The following HPSE2 variants were observed in gnomAD, a reference collection of about 807,000 sequenced individuals.
The protein encoded by HPSE2 is inactive heparanase-2.
HPSE2 carries 38 observed loss-of-function variants against 60.5 expected under a neutral mutation model. The ratio of observed to expected loss-of-function variants is 0.63; its 90% confidence interval spans 0.48 to 0.82. The LOEUF (loss-of-function observed/expected upper bound fraction) is 0.82. Among genes scored for constraint, HPSE2 ranks in the 40% least tolerant of loss-of-function variants. HPSE2 has a pLI of 0.00. For synonymous variants in HPSE2, 295 were observed against 293.2 expected (o/e 1.01, Z -0.06); for missense variants, 713 against 740.4 (o/e 0.96, Z 0.43).
At chr10:98,460,564 G>A (rs1940245038) in intron 11 of HPSE2, among the ~76,000 whole-genome samples, 1 of 152,126 alleles carries the variant, frequency 6.6e-6, no homozygotes, top group African/African-American at 2.4e-5. Context: ...AGTGAGCCAA[G>A]ATTACACCAC....
intron 3 of HPSE2, among the ~76,000 whole-genome samples, chr10:98,760,120 G>A (rs977863761): frequency 6.6e-6 from 1 of 151,948 alleles, no homozygotes; most frequent in African/African-American, 2.4e-5. Flanking sequence ...ATATTTGTAT[G>A]TTGATTTTAT....
intron 3 of HPSE2, among the ~76,000 whole-genome samples, chr10:99,004,058 C>T (rs1956837832): frequency 6.6e-6 from 1 of 151,932 alleles, no homozygotes; most frequent in Non-Finnish European, 1.5e-5. Flanking sequence ...TATAGTTACC[C>T]TGCTCTTTTC....
At chr10:98,572,755 C>T (rs546260605) in intron 9 of HPSE2, among the ~76,000 whole-genome samples, 1 of 152,342 alleles carries the variant, frequency 6.6e-6, no homozygotes, top group Non-Finnish European at 1.5e-5. Context: ...GAGTTAGTCA[C>T]AGGCTCCACA....
chr10:98,495,224 C>A (rs960702093), intron 9 of HPSE2, among the ~76,000 whole-genome samples: 3 of 151,754 alleles, frequency 2.0e-5, no homozygotes, highest in African/African-American at 7.3e-5. Flanking sequence ...TGCCTTCTGG[C>A]CTTCAAAGTT....
intron 3 of HPSE2, among the ~76,000 whole-genome samples, chr10:99,066,132 C>A (rs185022943): frequency 6.6e-6 from 1 of 152,086 alleles, no homozygotes; most frequent in Non-Finnish European, 1.5e-5. Flanking sequence ...TTTGGCAGGG[C>A]AGTAAATACT....
At chr10:99,168,500 T>C (rs142070166) in intron 2 of HPSE2, among the ~76,000 whole-genome samples, 18 of 152,350 alleles carry the variant, frequency 1.2e-4, no homozygotes, top group African/African-American at 3.1e-4. Context: ...CTGCTAATAA[T>C]AACAATTTTG....
At chr10:98,594,294 C>T (rs527700514) in intron 9 of HPSE2, among the ~76,000 whole-genome samples, 80 of 152,104 alleles carry the variant, frequency 5.3e-4, no homozygotes, top group African/African-American at 1.1e-3. Context: ...ATTTCCCTAC[C>T]CCGCCTCCCC....
At chr10:98,556,882 G>A (rs991791603) in intron 9 of HPSE2, among the ~76,000 whole-genome samples, 5 of 152,174 alleles carry the variant, frequency 3.3e-5, no homozygotes, top group African/African-American at 1.2e-4. Context: ...AGTTGGAAGA[G>A]ACTTATACCA....
chr10:98,512,132 A>T (rs900687034), intron 9 of HPSE2, among the ~76,000 whole-genome samples: 6 of 152,080 alleles, frequency 3.9e-5, no homozygotes, highest in Non-Finnish European at 8.8e-5. Flanking sequence ...CTGCTGCTCC[A>T]ACTTCCTCCA....
intron 2 of HPSE2, among the ~76,000 whole-genome samples, chr10:99,222,840 A>G (rs1389841170): frequency 6.6e-6 from 1 of 152,124 alleles, no homozygotes; most frequent in Admixed American, 6.5e-5. Context: ...GTTTTACCTA[A>G]CAACTATTTT....
At chr10:98,462,810 C>G (rs1225666237) in intron 11 of HPSE2, among the ~76,000 whole-genome samples, 1 of 152,178 alleles carries the variant, frequency 6.6e-6, no homozygotes, top group Non-Finnish European at 1.5e-5. Flanking sequence ...CGGTCACTAT[C>G]CACAAGCTGA....
At chr10:98,706,117 A>G in intron 5 of HPSE2, among the ~76,000 whole-genome samples, 1 of 151,950 alleles carries the variant, frequency 6.6e-6, no homozygotes. Context: ...GAGTTGTGAG[A>G]TTATGAGACT....
intron 3 of HPSE2, among the ~76,000 whole-genome samples, chr10:99,022,547 C>T (rs1957286147): frequency 6.6e-6 from 1 of 152,070 alleles, no homozygotes. Flanking sequence ...ACGACTCTTC[C>T]CCTAACCCCA....
At chr10:99,190,302 C>T (rs556946836) in intron 2 of HPSE2, among the ~76,000 whole-genome samples, 1 of 152,274 alleles carries the variant, frequency 6.6e-6, no homozygotes, top group Non-Finnish European at 1.5e-5. Flanking sequence ...GCTGAGGGAC[C>T]TTGCAGAAGT....
Position 98,939,957 on chromosome 10 carries a change from C to T in HPSE2, c.611-195901G>A, listed in dbSNP as rs1954938986. 1.4e-5 allele frequency among the ~76,000 whole-genome samples: 2 copies of T among 143,766 alleles called. 1 individual carries two copies. Among genetic ancestry groups the T allele is most frequent in the Admixed American group, 1.4e-4 (2 of 14,452 alleles). 94.3% of individuals were successfully genotyped at this position (143,766 alleles called of 152,430 possible). On this transcript the variant is annotated intron_variant, in intron 3 of 11. Coordinates refer to ENST00000370552, the MANE Select transcript of HPSE2 (RefSeq NM_021828.5). The stretch of plus-strand genomic sequence containing the variant: ...TCAAAACCGCTCAACTACATGGAAA[C>T]TGAACAACCTGCTCCTGAATGACTA...
Position 98,768,735 on chromosome 10 carries a change from C to T in HPSE2, c.611-24679G>A, listed in dbSNP as rs527927345. ...TTTAACTCTATGGTACTTCAGATTC[C>T]TTGTTTTACAAAAGTCAATAATAAT... On this transcript the variant is annotated intron_variant, in intron 3 of 11. Coordinates refer to ENST00000370552, the MANE Select transcript of HPSE2 (RefSeq NM_021828.5). 2.8e-4 allele frequency among the ~76,000 whole-genome samples: 42 copies of T among 152,228 alleles called. No homozygotes were observed. In the East Asian group the frequency reaches 6.7e-3, roughly 24 times the overall value.
At chr10:98,557,478 A>G (rs1432779460) in intron 9 of HPSE2, among the ~76,000 whole-genome samples, 1 of 152,236 alleles carries the variant, frequency 6.6e-6, no homozygotes, top group Non-Finnish European at 1.5e-5. Flanking sequence ...ACAATTCCAG[A>G]TGGACTACAG....
intron 9 of HPSE2, among the ~76,000 whole-genome samples, chr10:98,567,905 G>A (rs1413847278): frequency 1.3e-5 from 2 of 152,120 alleles, no homozygotes; most frequent in African/African-American, 2.4e-5. Flanking sequence ...GAACACAGCT[G>A]AGCCAGCAGG....
intron 9 of HPSE2, among the ~76,000 whole-genome samples, chr10:98,613,868 T>C (rs1446399928): frequency 1.3e-5 from 2 of 152,238 alleles, no homozygotes; most frequent in Non-Finnish European, 2.9e-5. Context: ...GTCATGACCA[T>C]GACTTCTGTG....
Sources: gnomAD v4.1 joint callset for allele counts (sites outside exome capture counted in the v4.1 genomes callset) on GRCh38, gnomAD v4.1.1 for gene constraint, MANE v1.5 for transcripts, NCBI Gene and HGNC (gene_info 2026-07-23, HGNC 2026-07-21) for gene names.